Variants in CD47 observed in about 807,000 individuals in gnomAD.
CD47 encodes leukocyte surface antigen CD47.
CD47 carries 11 observed loss-of-function variants against 44.6 expected under a neutral mutation model. The observed-to-expected ratio is 0.25, with a 90% confidence interval of 0.16 to 0.41. CD47 has a LOEUF of 0.41. Ranked by LOEUF, CD47 falls within the 10% of genes least tolerant of loss-of-function variation. The pLI is 1.00. For missense variants in CD47, 306 were observed against 386.7 expected (o/e 0.79, Z 1.75); for synonymous variants, 140 against 136.3 (o/e 1.03, Z -0.19).
chr3:108,079,786 T>C (rs923201092), intron 2 of CD47, among the ~76,000 whole-genome samples: 5 of 151,794 alleles, frequency 3.3e-5, no homozygotes, highest in Non-Finnish European at 7.4e-5. Context: ...ACAAATTAAA[T>C]AGTAAATGTG....
At chr3:108,072,352 T>C (rs1440612549) in intron 2 of CD47, among the ~76,000 whole-genome samples, 1 of 152,226 alleles carries the variant, frequency 6.6e-6, no homozygotes, top group Non-Finnish European at 1.5e-5. Context: ...TCCATAATGA[T>C]AGCCACATAT....
chr3:108,075,770 AAGAG>A (rs748338488), intron 2 of CD47, among the ~76,000 whole-genome samples: 3 of 152,230 alleles, frequency 2.0e-5, no homozygotes, highest in African/African-American at 7.2e-5. Context: ...GACTTTAAGA[AAGAG>A]AGATTATTTT....
At chr3:108,050,459 G>GA in intron 9 of CD47, 119 bp downstream of exon 9, 5 of 652,460 alleles carry the variant, frequency 7.7e-6, no homozygotes, top group South Asian at 1.8e-5. Flanking sequence ...GCCAAGGAAA[G>GA]AAAAAAAGAG....
At chr3:108,054,651 A>T (rs2078883539) in intron 7 of CD47, 1 of 152,220 alleles carries the variant, frequency 6.6e-6, no homozygotes, top group African/African-American at 2.4e-5. Context: ...TCCATGCCAT[A>T]AATACATTTC....
chr3:108,060,142 T>C (rs1485983567), intron 4 of CD47, among the ~76,000 whole-genome samples: 1 of 152,246 alleles, frequency 6.6e-6, no homozygotes, highest in African/African-American at 2.4e-5. Flanking sequence ...TCTACTTTCA[T>C]GTCTTGGCCA....
rs974958790 is a variant in CD47, at chr3:108,090,849, G to A, written c.46+14C>T. ...CGACAGCAGCCGCAGGGCTGGGAGC[G>A]AGGAGCCACTCACCGCAGCACGCCG... On this transcript the variant is annotated intron_variant, in intron 1 of 10. Transcript: ENST00000361309. 3.3e-5 allele frequency: 49 copies of A among 1,486,406 alleles called. No homozygotes were observed. In the Admixed American group the frequency reaches 4.8e-4, roughly 14 times the overall value. 92.1% of individuals were successfully genotyped at this position (1,486,406 alleles called of 1,614,324 possible).
intron 2 of CD47, among the ~76,000 whole-genome samples, chr3:108,071,933 T>C (rs1280420704): frequency 6.6e-6 from 1 of 152,206 alleles, no homozygotes; most frequent in African/African-American, 2.4e-5. Flanking sequence ...AAGGACTGTT[T>C]ATATGTAAAG....
chr3:108,051,749 G>A (rs1042989969), intron 8 of CD47, 190 bp downstream of exon 8: 1 of 677,780 alleles, frequency 1.5e-6, no homozygotes, highest in Non-Finnish European at 2.8e-6. Context: ...CCATCCCATT[G>A]ACACTAAAAT....
At chr3:108,050,993 C>G (rs1576986224) in intron 8 of CD47, among the ~76,000 whole-genome samples, 1 of 152,290 alleles carries the variant, frequency 6.6e-6, no homozygotes, top group East Asian at 1.9e-4. Flanking sequence ...AACTCAGTAA[C>G]TGGGAAAGAA....
intron 2 of CD47, among the ~76,000 whole-genome samples, chr3:108,079,649 G>A (rs2079379825): frequency 6.8e-6 from 1 of 147,546 alleles, no homozygotes; most frequent in Non-Finnish European, 1.5e-5. Context: ...TTAGTCACAG[G>A]AAAGAAAGCA....
Position 108,080,225 on chromosome 3 carries a change from C to T in CD47, c.166G>A (p.Val56Ile), listed in dbSNP as rs770928049. Residue 56 changes from valine to isoleucine, a missense_variant, in exon 2 of 11, where the codon GTA (valine) becomes ATA (isoleucine). Around this residue, in one of 5 missense-constraint regions of CD47, gnomAD observed 25 missense variants for 52.7 expected, o/e 0.47. Coordinates refer to ENST00000361309, the MANE Select transcript of CD47 (RefSeq NM_001777.4). ...TCTCTTCCTTTAAATTTCCACTTTA[C>T]GTATACTTCAGTAGTGTTTTGTGCC... ...MEAQNTTEVY[V>I]KWKFKGRDIY... The T allele has an allele frequency of 1.1e-5, 18 of 1,611,790 alleles. No individual in the cohort carries two copies. Among genetic ancestry groups the T allele is most frequent in the Non-Finnish European group, 3.4e-6 (4 of 1,178,228 alleles).
chr3:108,090,353 G>C (rs1560048655), intron 1 of CD47, among the ~76,000 whole-genome samples: 1 of 152,134 alleles, frequency 6.6e-6, no homozygotes, highest in South Asian at 2.1e-4. Context: ...TGTTCATGTG[G>C]GAGGCAAACG....
At chr3:108,069,992 C>A (rs552922514) in intron 3 of CD47, among the ~76,000 whole-genome samples, 1 of 152,292 alleles carries the variant, frequency 6.6e-6, no homozygotes, top group African/African-American at 2.4e-5. Flanking sequence ...ACTGCCACCC[C>A]TTTCTTCCCC....
chr3:108,080,262 A>C lies in CD47; in HGVS notation c.129T>G (p.Val43=). Residue 43 remains valine, a synonymous_variant, in exon 2 of 11, where the codon GTT becomes GTG. Coordinates refer to ENST00000361309, the MANE Select transcript of CD47 (RefSeq NM_001777.4). ...CNDTVVIPCF[V]TNMEAQNTTE... ...TAGTGTTTTGTGCCTCCATATTAGT[A>C]ACAAAGCATGGAATGACGACAGTGT... The C allele has an allele frequency of 1.2e-6, 2 of 1,611,866 alleles. No homozygotes were observed. Among genetic ancestry groups the C allele is most frequent in the Non-Finnish European group, 1.7e-6 (2 of 1,178,170 alleles).
In CD47 at chr3:108,046,343, A is replaced by C. The variant is rs2078722206; in HGVS notation, c.*945T>G. ...CTTTTTTCATGCCCCAGATCAGAAA[A>C]GAAGTGAAGAAACACTGTAGATTTT... On this transcript the variant is annotated 3_prime_UTR_variant, in exon 11 of 11. Coordinates refer to ENST00000361309, the MANE Select transcript of CD47 (RefSeq NM_001777.4). The C allele has an allele frequency of 6.5e-6, 1 of 152,694 alleles. No individual in the cohort carries two copies. The highest frequency in any genetic ancestry group is 1.5e-5 in the Non-Finnish European group (1 of 68,056). 9.5% of individuals were successfully genotyped at this position (152,694 alleles called of 1,614,324 possible).
intron 2 of CD47, among the ~76,000 whole-genome samples, chr3:108,078,073 T>A (rs915048962): frequency 6.6e-6 from 1 of 152,008 alleles, no homozygotes; most frequent in Non-Finnish European, 1.5e-5. Context: ...TCATATTGTG[T>A]CACATAAGAG....
chr3:108,073,073 G>A (rs2079238216), intron 2 of CD47, among the ~76,000 whole-genome samples: 1 of 147,908 alleles, frequency 6.8e-6, no homozygotes, highest in Non-Finnish European at 1.5e-5. Context: ...GCTTGAGGCT[G>A]AAAACCTTGG....
rs185930077 is a variant in CD47 at position 108,068,840 on chromosome 3, G to C, written c.490+2253C>G. Among the ~76,000 whole-genome samples, 526 of 152,264 alleles carry C rather than the reference G, an allele frequency of 3.5e-3. 4 individuals are homozygous for C. Among genetic ancestry groups the C allele is most frequent in the African/African-American group, 0.012 (506 of 41,534 alleles). On this transcript the variant is annotated intron_variant, in intron 3 of 10. Transcript: ENST00000361309. ...CTTTAAATGTGAGCGCAGGCTGGGTGAATCATGTATAGACATACCTCTTCC... is the reference window on the plus strand; with the variant it reads ...CTTTAAATGTGAGCGCAGGCTGGGTCAATCATGTATAGACATACCTCTTCC...
rs145642315 is a variant in CD47, at chr3:108,068,658, C to T, written c.490+2435G>A. ...GGGCAAATTGCCTAATCTATCTGTGCCTGTTTCTTATCTACAAAACGGGAA... is the reference window on the plus strand; with the variant it reads ...GGGCAAATTGCCTAATCTATCTGTGTCTGTTTCTTATCTACAAAACGGGAA... On this transcript the variant is annotated intron_variant, in intron 3 of 10. Coordinates refer to ENST00000361309, the MANE Select transcript of CD47 (RefSeq NM_001777.4). Among the ~76,000 whole-genome samples the T allele has an allele frequency of 7.2e-5, 11 of 152,220 alleles. No individual in the cohort carries two copies. In the East Asian group the frequency reaches 1.7e-3, roughly 24 times the overall value.
Sources: gnomAD v4.1 joint callset for allele counts (sites outside exome capture counted in the v4.1 genomes callset) on GRCh38, gnomAD v4.1.1 for gene constraint, gnomAD v4.1.1 regional missense constraint, MANE v1.5 for transcripts, NCBI Gene and HGNC (gene_info 2026-07-23, HGNC 2026-07-21) for gene names.